YBEY: variants seen among roughly 807,000 people sequenced by gnomAD.
YBEY encodes the protein endoribonuclease YbeY.
In YBEY, 15 loss-of-function variants were observed where a neutral mutation model predicts 13.5. That is an observed-to-expected ratio of 1.11 (90% confidence interval 0.75 to 1.72). The LOEUF (loss-of-function observed/expected upper bound fraction) is 1.72, where lower values mean the gene tolerates loss of function less well. Among genes scored for constraint, YBEY ranks in the 40% most tolerant of loss-of-function variants. The pLI is 0.00. For synonymous variants in YBEY, 101 were observed against 83.1 expected (o/e 1.21, Z -1.17); for missense variants, 244 against 208.4 (o/e 1.17, Z -1.05).
At chr21:46,291,536 C>G (rs944281406) in intron 3 of YBEY, 74 bp downstream of exon 3, 1 of 1,591,250 alleles carries the variant, frequency 6.3e-7, no homozygotes. Flanking sequence ...AGATCACAAC[C>G]CTGCATCCAT....
intron 3 of YBEY, 36 bp from the exon 4 acceptor site, chr21:46,296,126 G>T (rs1340668049): frequency 6.2e-7 from 1 of 1,612,986 alleles, no homozygotes. Context: ...TTCCTGTGGG[G>T]TCATCCTCTG....
chr21:46,302,401 C>A, downstream of YBEY: 3 of 1,191,352 alleles, frequency 2.5e-6, no homozygotes, highest in South Asian at 1.3e-5. Context: ...CCTTTCAGAG[C>A]TACACAGATG....
the YBEY span, among the ~76,000 whole-genome samples, chr21:46,304,281 C>T: frequency 2.2e-4 from 33 of 152,062 alleles, no homozygotes; most frequent in African/African-American, 6.5e-4. Context: ...CTGCCCGCCT[C>T]GGCCTCCCAA....
intron 3 of YBEY, among the ~76,000 whole-genome samples, chr21:46,295,780 G>C (rs999267118): frequency 2.0e-5 from 3 of 152,040 alleles, no homozygotes; most frequent in Non-Finnish European, 4.4e-5. Flanking sequence ...GTCCCTCTTA[G>C]GGCAGGGAGG....
chr21:46,286,728 C>T (rs1203842448), intron 1 of YBEY, 142 bp from the exon 2 acceptor site: 3 of 589,886 alleles, frequency 5.1e-6, no homozygotes, highest in East Asian at 3.0e-5. Flanking sequence ...GTTGTTGCTT[C>T]CTCCTTGTGG....
chr21:46,286,920 T>C lies in YBEY; in HGVS notation c.7T>C (p.Leu3=). Residue 3 remains leucine, a synonymous_variant, in exon 2 of 5, where the codon TTG becomes CTG. Transcript: ENST00000397701. The part of the protein sequence containing the change: MS[L]VIRNLQRVIP... ...GCTGGTTATTCTTCCTGAAATGAGT[T>C]TGGTGATTAGAAATCTGCAGCGAGT... 1.9e-6 allele frequency: 3 copies of C among 1,613,834 alleles called. No homozygotes were observed. Among genetic ancestry groups the C allele is most frequent in the Non-Finnish European group, 1.7e-6 (2 of 1,179,940 alleles).
In YBEY at chr21:46,297,575, G is replaced by A; in HGVS notation, c.445G>A (p.Gly149Ser). Residue 149 changes from glycine to serine, a missense_variant, in exon 5 of 5, where the codon GGC (glycine) becomes AGC (serine). By Grantham distance (56) the Gly-to-Ser change is moderately conservative. Transcript: ENST00000397701. ...QKEKAVLDEL[G>S]RRTGTRLQPL... is the part of the protein sequence containing the mutation. ...GGAGAAGGCGGTGCTGGACGAGCTGGGCCGACGCACGGGGACCCGGCTGCA... is the reference window on the plus strand; with the variant it reads ...GGAGAAGGCGGTGCTGGACGAGCTGAGCCGACGCACGGGGACCCGGCTGCA... 7.2e-7 allele frequency: 1 copy of A among 1,394,510 alleles called. No individual in the cohort carries two copies. Among genetic ancestry groups the A allele is most frequent in the South Asian group, 1.6e-5 (1 of 63,042 alleles). 86.4% of individuals were successfully genotyped at this position (1,394,510 alleles called of 1,614,324 possible).
At chr21:46,291,906 G>T in intron 3 of YBEY, 1 of 913,268 alleles carries the variant, frequency 1.1e-6, no homozygotes, top group Non-Finnish European at 1.3e-6. Flanking sequence ...TATTGCAGTA[G>T]AGAAAGAGTT....
chr21:46,297,261 C>T (rs2081981897), intron 4 of YBEY, among the ~76,000 whole-genome samples: 1 of 145,154 alleles, frequency 6.9e-6, no homozygotes, highest in Admixed American at 6.9e-5. Flanking sequence ...CTCCCCTCCT[C>T]CCCCTTCCCT....
intron 2 of YBEY, 94 bp from the exon 3 acceptor site, chr21:46,291,240 C>T (rs2081696986): frequency 1.4e-6 from 2 of 1,426,402 alleles, no homozygotes; most frequent in Non-Finnish European, 9.5e-7. Flanking sequence ...GAGATAAGTG[C>T]TTATTTGCCT....
chr21:46,295,140 C>T (rs532588036), intron 3 of YBEY, among the ~76,000 whole-genome samples: 1 of 152,158 alleles, frequency 6.6e-6, no homozygotes, highest in Non-Finnish European at 1.5e-5. Flanking sequence ...ACCTAAGATT[C>T]TGTTCCCTGG....
chr21:46,297,511 G>T, intron 4 of YBEY, 28 bp from the exon 5 acceptor site: 1 of 1,357,184 alleles, frequency 7.4e-7, no homozygotes, highest in Non-Finnish European at 9.6e-7. Flanking sequence ...CTTCCCTGGG[G>T]AGGGCCAGCG....
the YBEY span, among the ~76,000 whole-genome samples, chr21:46,310,423 G>A: frequency 6.6e-6 from 1 of 151,476 alleles, no homozygotes; most frequent in African/African-American, 2.4e-5. Context: ...AGGTTGCAGT[G>A]AGCCAAGATG....
downstream of YBEY, chr21:46,302,460 G>A (rs763349697): frequency 1.3e-6 from 2 of 1,557,936 alleles, no homozygotes; most frequent in Non-Finnish European, 8.8e-7. Flanking sequence ...CCTTGGCCTA[G>A]GGTTCTGCTG....
At chr21:46,287,628 A>G (rs2145753890) in intron 2 of YBEY, among the ~76,000 whole-genome samples, 1 of 152,330 alleles carries the variant, frequency 6.6e-6, no homozygotes, top group Non-Finnish European at 1.5e-5. Context: ...AGAGAGCAGT[A>G]TATTCAGCCT....
chr21:46,291,216 A>AT, intron 2 of YBEY, 118 bp from the exon 3 acceptor site: 9 of 915,264 alleles, frequency 9.8e-6, no homozygotes, highest in East Asian at 3.6e-5. Flanking sequence ...AAAAAAAAAA[A>AT]GTGATTTGGC....
intron 2 of YBEY, among the ~76,000 whole-genome samples, chr21:46,288,056 C>G (rs554412593): frequency 1.8e-4 from 27 of 152,158 alleles, no homozygotes; most frequent in Admixed American, 8.5e-4. Flanking sequence ...CGTCCACCCC[C>G]CTTCCCCTCC....
the YBEY span, among the ~76,000 whole-genome samples, chr21:46,308,468 A>C: frequency 6.6e-6 from 1 of 152,134 alleles, no homozygotes; most frequent in Non-Finnish European, 1.5e-5. Flanking sequence ...CTCAAAAAAA[A>C]AGAGTTAAAT....
chr21:46,301,085 C>T (rs1569110547), downstream of YBEY: 35 of 810,282 alleles, frequency 4.3e-5, no homozygotes, highest in South Asian at 4.3e-4. Context: ...AGCACTCTCC[C>T]TTTTTTTTTT....
Sources: gnomAD v4.1 joint callset for allele counts (sites outside exome capture counted in the v4.1 genomes callset) on GRCh38, gnomAD v4.1.1 for gene constraint, MANE v1.5 for transcripts, NCBI Gene and HGNC (gene_info 2026-07-23, HGNC 2026-07-21) for gene names.